Variants in COMMD7 observed in about 807,000 individuals in gnomAD.
COMMD7 encodes the protein COMM domain-containing protein 7.
A neutral mutation model predicts 34.8 loss-of-function variants in COMMD7; 28 were observed. That is an observed-to-expected ratio of 0.80 (90% CI 0.60 to 1.10). The LOEUF is 1.10. COMMD7 is among the 50% of genes least tolerant of loss of function. COMMD7 has a pLI of 0.00. For missense variants in COMMD7, 211 were observed against 241.6 expected, an observed-to-expected ratio of 0.87 and a Z score of 0.84; for synonymous variants, 80 against 86.4, an observed-to-expected ratio of 0.93 and a Z score of 0.41.
At chr20:32,713,688 G>A (rs1356887339) in intron 3 of COMMD7, among the ~76,000 whole-genome samples, 6 of 152,184 alleles carry the variant, frequency 3.9e-5, no homozygotes, top group Admixed American at 3.9e-4. Flanking sequence ...GCACTGCCAT[G>A]TGCCTGCACT....
chr20:32,707,070 G>A (rs34313355), intron 3 of COMMD7, among the ~76,000 whole-genome samples: 40,325 of 147,614 alleles, frequency 0.27, 6,125 homozygotes, highest in Middle Eastern at 0.4. Flanking sequence ...TCAGGAGATC[G>A]AGACCATCCT....
At chr20:32,741,765 T>C (rs1286217398) in intron 1 of COMMD7, among the ~76,000 whole-genome samples, 1 of 152,212 alleles carries the variant, frequency 6.6e-6, no homozygotes. Context: ...TTTACCATTA[T>C]AGTCCAGTTG....
At chr20:32,704,399 T>A in intron 7 of COMMD7, 41 bp downstream of exon 7, 2 of 1,566,246 alleles carry the variant, frequency 1.3e-6, no homozygotes, top group Non-Finnish European at 1.7e-6. Context: ...TTTAACCAAG[T>A]CAAAAATCTA....
At chr20:32,711,692 C>T (rs1262763770) in intron 3 of COMMD7, among the ~76,000 whole-genome samples, 2 of 152,114 alleles carry the variant, frequency 1.3e-5, no homozygotes, top group Non-Finnish European at 2.9e-5. Flanking sequence ...TGGCATCATG[C>T]TAGGCCTCAA....
chr20:32,712,633 T>C (rs1984534156), intron 3 of COMMD7, among the ~76,000 whole-genome samples: 1 of 138,960 alleles, frequency 7.2e-6, no homozygotes, highest in Non-Finnish European at 1.6e-5. Context: ...AAAAGAAAAT[T>C]GTGTAAACTC....
Position 32,730,592 on chromosome 20 carries a change from A to T in COMMD7, c.85-2450T>A, listed in dbSNP as rs114294592. ...CAACAACAACAACAACAAAAAGCCC[A>T]CTGTGTATGGCATAGTGGGGAAAAC... On this transcript the variant is annotated intron_variant, in intron 1 of 8. Transcript: ENST00000278980. Among the ~76,000 whole-genome samples the T allele has an allele frequency of 2.4e-3, 361 of 151,876 alleles. 3 individuals are homozygous for T. Among genetic ancestry groups the T allele is most frequent in the African/African-American group, 8.5e-3 (351 of 41,426 alleles).
chr20:32,715,722 A>C (rs1040139294), intron 3 of COMMD7, among the ~76,000 whole-genome samples: 1 of 152,174 alleles, frequency 6.6e-6, no homozygotes, highest in African/African-American at 2.4e-5. Flanking sequence ...TCGGAGGCTT[A>C]CTGGAGCTCA....
At chr20:32,706,892 C>T in intron 3 of COMMD7, 132 bp from the exon 4 acceptor site, 2 of 672,274 alleles carry the variant, frequency 3.0e-6, no homozygotes, top group South Asian at 1.7e-5. Context: ...TCCAAGATCT[C>T]AATCCAGCCA....
At chr20:32,730,670 C>T (rs1393736971) in intron 1 of COMMD7, among the ~76,000 whole-genome samples, 1 of 152,180 alleles carries the variant, frequency 6.6e-6, no homozygotes, top group African/African-American at 2.4e-5. Flanking sequence ...CCGTTGACTA[C>T]TCTTGTGAAT....
Position 32,732,532 on chromosome 20 carries a change from T to C in COMMD7, c.85-4390A>G, listed in dbSNP as rs907174935. Among the ~76,000 whole-genome samples, 3 of 152,004 alleles carry C rather than the reference T, an allele frequency of 2.0e-5. No homozygotes were observed. The South Asian group carries it at 6.2e-4, about 32-fold the overall frequency. On this transcript the variant is annotated intron_variant, in intron 1 of 8. Transcript: ENST00000278980. Reference sequence around the variant, plus strand: ...CTGTAATGCCAGCACTTTGGGAGGCTGAGGCAGGAGGACCGCTTGATCCCA... The same window carrying C: ...CTGTAATGCCAGCACTTTGGGAGGCCGAGGCAGGAGGACCGCTTGATCCCA...
intron 1 of COMMD7, among the ~76,000 whole-genome samples, chr20:32,728,551 C>T (rs544357231): frequency 1.3e-5 from 2 of 151,988 alleles, no homozygotes; most frequent in Middle Eastern, 3.4e-3. Flanking sequence ...TTTTACCTAT[C>T]CATATTTTCT....
chr20:32,732,448 T>C (rs1290836316), intron 1 of COMMD7, among the ~76,000 whole-genome samples: 1 of 152,116 alleles, frequency 6.6e-6, no homozygotes, highest in East Asian at 1.9e-4. Context: ...TTCCATGAAG[T>C]ATATCCTTTA....
At chr20:32,721,811 G>T (rs1408230104) in intron 3 of COMMD7, among the ~76,000 whole-genome samples, 2 of 151,978 alleles carry the variant, frequency 1.3e-5, no homozygotes, top group African/African-American at 4.8e-5. Flanking sequence ...CAGGAGAATT[G>T]CTTGAATCCG....
intron 3 of COMMD7, among the ~76,000 whole-genome samples, chr20:32,708,505 C>A (rs894600542): frequency 1.3e-5 from 2 of 152,112 alleles, no homozygotes; most frequent in Admixed American, 6.6e-5. Flanking sequence ...CCCCGGGAAA[C>A]CTTAGCCATA....
intron 1 of COMMD7, among the ~76,000 whole-genome samples, chr20:32,734,124 T>C (rs142209678): frequency 2.1e-3 from 304 of 145,060 alleles, no homozygotes; most frequent in African/African-American, 7.2e-3. Flanking sequence ...GAGCTTGTGG[T>C]GAGCCCAGAT....
chr20:32,708,563 C>CT (rs1027446139), intron 3 of COMMD7, among the ~76,000 whole-genome samples: 4 of 152,162 alleles, frequency 2.6e-5, no homozygotes, highest in African/African-American at 9.7e-5. Flanking sequence ...CAAATAACTC[C>CT]TAACTACCAT....
chr20:32,731,416 A>G (rs1310873511), intron 1 of COMMD7, among the ~76,000 whole-genome samples: 2 of 152,196 alleles, frequency 1.3e-5, no homozygotes, highest in Non-Finnish European at 2.9e-5. Flanking sequence ...GGATTGCTTG[A>G]GCCCAGGAGC....
intron 3 of COMMD7, among the ~76,000 whole-genome samples, chr20:32,712,677 G>A (rs28496744): frequency 0.29 from 41,811 of 146,256 alleles, 6,503 homozygotes; most frequent in Middle Eastern, 0.4. Context: ...TGACACGTGG[G>A]GAAATTTAAG....
intron 3 of COMMD7, among the ~76,000 whole-genome samples, chr20:32,712,750 CTTTTTTT>C (rs568295381): frequency 2.0e-5 from 2 of 102,462 alleles, no homozygotes; most frequent in Admixed American, 1.2e-4. Flanking sequence ...GACACGGAGA[CTTTTTTT>C]TTTTTTTTTT....
Sources: gnomAD v4.1 joint callset for allele counts (sites outside exome capture counted in the v4.1 genomes callset) on GRCh38, gnomAD v4.1.1 for gene constraint, MANE v1.5 for transcripts, NCBI Gene and HGNC (gene_info 2026-07-23, HGNC 2026-07-21) for gene names.